Variants in CNTNAP5 observed in about 807,000 individuals in gnomAD.
CNTNAP5 encodes contactin-associated protein-like 5.
Under a neutral mutation model 150.2 loss-of-function variants are expected in CNTNAP5, and 72 were observed. The observed-to-expected ratio is 0.48, with a 90% confidence interval of 0.40 to 0.58. CNTNAP5 has a LOEUF of 0.58. CNTNAP5 is among the 20% of genes least tolerant of loss of function. The pLI is 0.00. For missense variants in CNTNAP5, 1,636 were observed against 1,626.2 expected (o/e 1.01, Z -0.10); for synonymous variants, 672 against 619.8 (o/e 1.08, Z -1.25).
chr2:124,860,476 C>CTTCCTTCCTTCCTTCCTTCT (rs1677496703), intron 19 of CNTNAP5, among the ~76,000 whole-genome samples: 1 of 91,114 alleles, frequency 1.1e-5, no homozygotes, highest in Non-Finnish European at 2.1e-5. Flanking sequence ...TCCTTCCTTC[C>CTTCCTTCCTTCCTTCCTTCT]TTCCTTCCTT....
chr2:124,210,079 G>T (rs963077545), intron 1 of CNTNAP5, among the ~76,000 whole-genome samples: 5 of 152,130 alleles, frequency 3.3e-5, no homozygotes, highest in Non-Finnish European at 7.4e-5. Context: ...TATTCTGAAG[G>T]CATGGGAGAC....
intron 13 of CNTNAP5, among the ~76,000 whole-genome samples, chr2:124,665,868 A>T (rs1316618946): frequency 6.7e-6 from 1 of 148,316 alleles, no homozygotes; most frequent in African/African-American, 2.5e-5. Flanking sequence ...CCTGGGCGAC[A>T]GAGCAAGACT....
chr2:124,115,861 T>C (rs925009656), intron 1 of CNTNAP5, among the ~76,000 whole-genome samples: 25 of 151,110 alleles, frequency 1.7e-4, no homozygotes, highest in African/African-American at 5.6e-4. Flanking sequence ...CAGGCTGGTC[T>C]CAAACTTCTG....
chr2:124,180,162 A>G (rs942370642), intron 1 of CNTNAP5, among the ~76,000 whole-genome samples: 3 of 152,210 alleles, frequency 2.0e-5, no homozygotes, highest in Non-Finnish European at 2.9e-5. Flanking sequence ...AACATGCACA[A>G]TGGTCTTTGA....
chr2:124,494,227 G>T (rs529200815), intron 7 of CNTNAP5, among the ~76,000 whole-genome samples: 3 of 152,112 alleles, frequency 2.0e-5, no homozygotes, highest in African/African-American at 4.8e-5. Context: ...AAGTTTGAAG[G>T]CTGGAGAACC....
At chr2:124,378,947 T>A (rs1338091957) in intron 3 of CNTNAP5, among the ~76,000 whole-genome samples, 1 of 152,206 alleles carries the variant, frequency 6.6e-6, no homozygotes, top group East Asian at 1.9e-4. Flanking sequence ...CAATGCCCTA[T>A]GAAATATGGC....
At chr2:124,719,946 C>G (rs538687783) in intron 13 of CNTNAP5, among the ~76,000 whole-genome samples, 1 of 152,016 alleles carries the variant, frequency 6.6e-6, no homozygotes. Context: ...TTGCCTAAAA[C>G]AGATGATTTC....
intron 6 of CNTNAP5, among the ~76,000 whole-genome samples, chr2:124,454,588 G>T (rs973212140): frequency 6.6e-6 from 1 of 151,746 alleles, no homozygotes; most frequent in East Asian, 1.9e-4. Context: ...ACAACCACAG[G>T]TATTCTATTC....
At chr2:124,513,666 C>T (rs1169776238) in intron 8 of CNTNAP5, among the ~76,000 whole-genome samples, 1 of 152,156 alleles carries the variant, frequency 6.6e-6, no homozygotes, top group Non-Finnish European at 1.5e-5. Context: ...TGATTTTTAA[C>T]AAACAGTCCT....
intron 12 of CNTNAP5, among the ~76,000 whole-genome samples, chr2:124,629,773 G>GTTTTT (rs771169353): frequency 7.6e-6 from 1 of 130,936 alleles, no homozygotes; most frequent in Non-Finnish European, 1.6e-5. Context: ...TCCAGGAGCT[G>GTTTTT]TTTTTTTTTT....
chr2:124,734,258 C>CAG (rs138532680), intron 13 of CNTNAP5, among the ~76,000 whole-genome samples: 5 of 150,006 alleles, frequency 3.3e-5, no homozygotes, highest in Non-Finnish European at 5.9e-5. Context: ...CAAATGAACA[C>CAG]AGAGAGAGAG....
At chr2:124,634,250 C>A (rs945981178) in intron 12 of CNTNAP5, among the ~76,000 whole-genome samples, 9 of 152,136 alleles carry the variant, frequency 5.9e-5, no homozygotes, top group African/African-American at 1.9e-4. Context: ...CAGGTCATTT[C>A]TTTGCTCATG....
At chr2:124,602,140 C>G (rs1406005912) in intron 11 of CNTNAP5, among the ~76,000 whole-genome samples, 1 of 151,854 alleles carries the variant, frequency 6.6e-6, no homozygotes, top group Non-Finnish European at 1.5e-5. Flanking sequence ...GTCAGGAGTT[C>G]GAGACCAGCC....
intron 13 of CNTNAP5, among the ~76,000 whole-genome samples, chr2:124,676,160 A>G (rs1678935626): frequency 6.6e-6 from 1 of 152,194 alleles, no homozygotes; most frequent in Non-Finnish European, 1.5e-5. Context: ...CCCTGAACCA[A>G]TAAGTCTTTC....
chr2:124,675,404 C>G (rs1173400032), intron 13 of CNTNAP5, among the ~76,000 whole-genome samples: 1 of 152,080 alleles, frequency 6.6e-6, no homozygotes, highest in East Asian at 1.9e-4. Flanking sequence ...AAATATTCTC[C>G]ATTTTTTGTA....
intron 16 of CNTNAP5, among the ~76,000 whole-genome samples, chr2:124,766,894 A>G (rs892533781): frequency 1.3e-5 from 2 of 152,192 alleles, no homozygotes; most frequent in Admixed American, 1.3e-4. Context: ...TATATAATAT[A>G]TCACCAGATT....
Position 124,609,781 on chromosome 2 carries a change from T to C in CNTNAP5, c.1757-20T>C. 2 of 1,612,352 alleles carry C rather than the reference T, an allele frequency of 1.2e-6. No homozygotes were observed. The highest frequency in any genetic ancestry group is 1.7e-6 in the Non-Finnish European group (2 of 1,178,678). ...GCAGAGCCAAGCAAAGTTTTATCTC[T>C]GCTGCCTTTGTCTTTCCAGCCATCT... On this transcript the variant is annotated intron_variant, in intron 11 of 23. Coordinates refer to ENST00000682447, the MANE Select transcript of CNTNAP5 (RefSeq NM_001367498.1).
At chr2:124,610,894 T>A (rs1573495677) in intron 12 of CNTNAP5, among the ~76,000 whole-genome samples, 1 of 150,110 alleles carries the variant, frequency 6.7e-6, no homozygotes, top group Non-Finnish European at 1.5e-5. Context: ...GAGACGGAGG[T>A]TGCAGTCAGC....
chr2:124,111,492 G>A (rs180918330), intron 1 of CNTNAP5, among the ~76,000 whole-genome samples: 5 of 152,256 alleles, frequency 3.3e-5, no homozygotes, highest in Admixed American at 3.3e-4. Flanking sequence ...GCCTGTATCA[G>A]TGTGTATTTT....
Sources: gnomAD v4.1 joint callset for allele counts (sites outside exome capture counted in the v4.1 genomes callset) on GRCh38, gnomAD v4.1.1 for gene constraint, MANE v1.5 for transcripts, NCBI Gene and HGNC (gene_info 2026-07-23, HGNC 2026-07-21) for gene names.